KY: variants seen among roughly 807,000 people sequenced by gnomAD.
KY encodes kyphoscoliosis peptidase.
KY carries 43 observed loss-of-function variants against 76.1 expected under a neutral mutation model. The ratio of observed to expected loss-of-function variants is 0.57; its 90% confidence interval spans 0.44 to 0.73. The LOEUF is 0.73. Among genes scored for constraint, KY ranks in the 30% least tolerant of loss-of-function variants. KY has a pLI of 0.00. For synonymous variants in KY, 277 were observed against 326.2 expected (o/e 0.85, Z 1.63); for missense variants, 722 against 828.9 (o/e 0.87, Z 1.58).
At chr3:134,611,330 A>G (rs1342949954) in intron 8 of KY, among the ~76,000 whole-genome samples, 1 of 152,206 alleles carries the variant, frequency 6.6e-6, no homozygotes, top group Non-Finnish European at 1.5e-5. Flanking sequence ...CCTGAGGCCC[A>G]GGCCTGGGCT....
At chr3:134,626,507 C>T (rs2107878964) in intron 5 of KY, among the ~76,000 whole-genome samples, 1 of 152,308 alleles carries the variant, frequency 6.6e-6, no homozygotes, top group South Asian at 2.1e-4. Flanking sequence ...TCTGCAGGTA[C>T]ATGCAGGGAG....
At chr3:134,647,246 G>A (rs1377864079) in intron 2 of KY, among the ~76,000 whole-genome samples, 189 bp downstream of exon 2, 2 of 152,202 alleles carry the variant, frequency 1.3e-5, no homozygotes, top group African/African-American at 2.4e-5. Flanking sequence ...AGGAGAGCAG[G>A]GGACCTGACT....
rs1470283389 is a variant in KY at position 134,602,659 on chromosome 3, C to T, written c.*920G>A. On this transcript the variant is annotated 3_prime_UTR_variant, in exon 11 of 11. Coordinates refer to ENST00000423778, the MANE Select transcript of KY (RefSeq NM_178554.6). ...AAGACTCCCCAAGGGCCTGGCCAGC[C>T]TCTGGAGGCTCTCTGTGGAGGTGGG... 3.3e-5 allele frequency among the ~76,000 whole-genome samples: 5 copies of T among 152,146 alleles called. No homozygotes were observed. The highest frequency in any genetic ancestry group is 9.7e-5 in the African/African-American group (4 of 41,436).
In KY at chr3:134,643,386, A is replaced by G. The variant is rs762666216; in HGVS notation, c.200-8T>C. The G allele has an allele frequency of 6.2e-7, 1 of 1,613,622 alleles. No individual in the cohort carries two copies. Among genetic ancestry groups the G allele is most frequent in the South Asian group, 1.1e-5 (1 of 91,054 alleles). ...GCTTCTCCACCAAGTTTTCTATTTA[A>G]GGAAGACAGAGAGGCCTGCAGTGAC... On this transcript the variant is annotated splice_region_variant and splice_polypyrimidine_tract_variant and intron_variant, in intron 2 of 10. Coordinates refer to ENST00000423778, the MANE Select transcript of KY (RefSeq NM_178554.6).
Position 134,604,202 on chromosome 3 carries a change from T to C in KY, c.1363A>G (p.Ser455Gly). Residue 455 changes from serine to glycine, a missense_variant, in exon 11 of 11, where the codon AGC (serine) becomes GGC (glycine). Transcript: ENST00000423778. The stretch of plus-strand genomic sequence containing the variant: ...ATGCCCATCTGCTCCGAGAACCAGC[T>C]GGGGCCCACGGGCTGGTGAAGCTCA... ...PAELHQPVGPSWFSEQMGIMK... is the reference protein window; with the variant it reads ...PAELHQPVGPGWFSEQMGIMK... 1 of 1,612,772 alleles carries C rather than the reference T, an allele frequency of 6.2e-7. No individual in the cohort carries two copies. The highest frequency in any genetic ancestry group is 8.5e-7 in the Non-Finnish European group (1 of 1,179,476).
chr3:134,643,187 CACCCATGGGAGCAGAGAGG>C (rs1486418455), intron 3 of KY, 110 bp downstream of exon 3: 55 of 766,224 alleles, frequency 7.2e-5, no homozygotes, highest in Non-Finnish European at 6.0e-5. Flanking sequence ...GGTTTTCCAA[CACCCATGGGAGCAGAGAGG>C]ACCCTGCTCC....
At chr3:134,618,673 G>A (rs945567317) in intron 8 of KY, among the ~76,000 whole-genome samples, 4 of 152,134 alleles carry the variant, frequency 2.6e-5, no homozygotes, top group Admixed American at 1.3e-4. Context: ...GGAGCCCAGC[G>A]ACTCCAAGAG....
At chr3:134,615,808 T>C (rs1961460142) in intron 8 of KY, among the ~76,000 whole-genome samples, 1 of 152,146 alleles carries the variant, frequency 6.6e-6, no homozygotes, top group African/African-American at 2.4e-5. Context: ...TGGAACCAAG[T>C]GATGTTTTAG....
At chr3:134,636,181 A>G (rs748670204) in intron 3 of KY, among the ~76,000 whole-genome samples, 31 of 152,226 alleles carry the variant, frequency 2.0e-4, no homozygotes, top group Non-Finnish European at 3.5e-4. Flanking sequence ...AATAATATGG[A>G]TATTTTAAAG....
intron 8 of KY, among the ~76,000 whole-genome samples, chr3:134,612,068 C>A (rs903979427): frequency 5.2e-4 from 79 of 152,282 alleles, no homozygotes; most frequent in African/African-American, 1.8e-3. Flanking sequence ...TCTGCCTTAA[C>A]CTCTGCTCAC....
chr3:134,601,362 T>G lies in KY; in HGVS notation c.*2217A>C, dbSNP rs1958956252. On this transcript the variant is annotated 3_prime_UTR_variant, in exon 11 of 11. Transcript: ENST00000423778. ...TGCTGGGTGGCATTCTCTGCAATGC[T>G]CCAGGATGTATTGATTAATTATATT... 6.6e-6 allele frequency among the ~76,000 whole-genome samples: 1 copy of G among 152,142 alleles called. No homozygotes were observed. Among genetic ancestry groups the G allele is most frequent in the African/African-American group, 2.4e-5 (1 of 41,436 alleles).
At position 134,602,036 on chromosome 3, in the gene KY, G is replaced by A. The variant is rs1958990813; in HGVS notation, c.*1543C>T. 1.3e-5 allele frequency among the ~76,000 whole-genome samples: 2 copies of A among 152,292 alleles called. No homozygotes were observed. Among genetic ancestry groups the A allele is most frequent in the South Asian group, 4.1e-4 (2 of 4,832 alleles). On this transcript the variant is annotated 3_prime_UTR_variant, in exon 11 of 11. Transcript: ENST00000423778. The stretch of plus-strand genomic sequence containing the variant: ...TGTGAGGGTGAGTGCCACGGAGGAA[G>A]CTATGAGGGTCCCAGCTGGCCCTGG...
At chr3:134,635,601 T>A (rs1398917166) in intron 3 of KY, among the ~76,000 whole-genome samples, 2 of 150,472 alleles carry the variant, frequency 1.3e-5, no homozygotes, top group African/African-American at 2.4e-5. Flanking sequence ...GAAATAGAAC[T>A]GCTGTATATT....
rs372640810 is a variant in KY at position 134,631,900 on chromosome 3, G to C, written c.263-2205C>G. Among the ~76,000 whole-genome samples the C allele has an allele frequency of 5.3e-5, 8 of 152,012 alleles. No individual in the cohort carries two copies. The East Asian group carries it at 1.3e-3, about 26-fold the overall frequency. On this transcript the variant is annotated intron_variant, in intron 3 of 10. Coordinates refer to ENST00000423778, the MANE Select transcript of KY (RefSeq NM_178554.6). Reference sequence around the variant, plus strand: ...TTGAAAAATAGAGATTTTCAGAAAGGGTGAATACATAAGATTAAACTATAT... The same window carrying C: ...TTGAAAAATAGAGATTTTCAGAAAGCGTGAATACATAAGATTAAACTATAT...
intron 3 of KY, among the ~76,000 whole-genome samples, chr3:134,637,825 A>AG (rs1965178055): frequency 6.6e-6 from 1 of 152,222 alleles, no homozygotes; most frequent in South Asian, 2.1e-4. Context: ...TCTTTGTGAA[A>AG]GAGTGATCAA....
chr3:134,649,702 G>T (rs1966839501), intron 1 of KY, among the ~76,000 whole-genome samples: 1 of 152,204 alleles, frequency 6.6e-6, no homozygotes, highest in Admixed American at 6.5e-5. Flanking sequence ...TCTTTCCCCT[G>T]CCTGCCTTCC....
rs971007201 is a variant in KY at position 134,627,927 on chromosome 3, C to T, written c.338-109G>A. ...TTGCTTTTGACCCCTCCTCTTTACT[C>T]TCCTTTTCACAGTCTCCTTGTTCCC... On this transcript the variant is annotated intron_variant, in intron 4 of 10. Transcript: ENST00000423778. 3.7e-6 allele frequency: 3 copies of T among 802,668 alleles called. No individual in the cohort carries two copies. The Admixed American group carries it at 6.1e-5, about 16-fold the overall frequency. 49.7% of individuals were successfully genotyped at this position (802,668 alleles called of 1,614,324 possible).
In KY at chr3:134,610,342, T is replaced by A; in HGVS notation, c.752A>T (p.Lys251Met). 6.2e-7 allele frequency: 1 copy of A among 1,613,432 alleles called. No homozygotes were observed. The highest frequency in any genetic ancestry group is 8.5e-7 in the Non-Finnish European group (1 of 1,179,746). Reference protein sequence around the residue: ...VQCMTVPGYSKGFGYQTGQSF... With the variant: ...VQCMTVPGYSMGFGYQTGQSF... The stretch of plus-strand genomic sequence containing the variant: ...CTGCCCTGTCTGGTAGCCGAAACCC[T>A]TGGAGTAGCCAGGCACGGTCATACA... Residue 251 changes from lysine to methionine, a missense_variant, in exon 9 of 11, where the codon AAG (lysine) becomes ATG (methionine). Physicochemically the swap from Lys to Met is moderately conservative, Grantham distance 95 (BLOSUM62 -1). Coordinates refer to ENST00000423778, the MANE Select transcript of KY (RefSeq NM_178554.6).
At chr3:134,614,301 C>T (rs1002794056) in intron 8 of KY, among the ~76,000 whole-genome samples, 1 of 152,110 alleles carries the variant, frequency 6.6e-6, no homozygotes, top group African/African-American at 2.4e-5. Flanking sequence ...ATTTAATGAC[C>T]TCAGACTGCA....
Sources: gnomAD v4.1 joint callset for allele counts (sites outside exome capture counted in the v4.1 genomes callset) on GRCh38, gnomAD v4.1.1 for gene constraint, MANE v1.5 for transcripts, NCBI Gene and HGNC (gene_info 2026-07-23, HGNC 2026-07-21) for gene names.